The following FHIT variants were observed in gnomAD, a reference collection of about 807,000 sequenced individuals.
FHIT encodes fragile histidine triad diadenosine triphosphatase.
FHIT carries 19 observed loss-of-function variants against 17.9 expected under a neutral mutation model. The ratio of observed to expected loss-of-function variants is 1.06; its 90% CI spans 0.74 to 1.56. FHIT has a LOEUF of 1.56. FHIT is among the 40% of genes most tolerant of loss of function. The probability of loss-of-function intolerance (pLI) is 0.00; values close to 1 mark genes in which losing one functional copy is unlikely to be tolerated. For missense variants in FHIT, 248 were observed against 189.2 expected (o/e 1.31, Z -1.82); for synonymous variants, 81 against 69.7 (o/e 1.16, Z -0.81).
intron 5 of FHIT, among the ~76,000 whole-genome samples, chr3:60,051,143 G>C (rs1701860804): frequency 6.6e-6 from 1 of 152,098 alleles, no homozygotes; most frequent in Admixed American, 6.6e-5. Flanking sequence ...TGGGGCCTTT[G>C]AGGTAGGGGA....
chr3:61,111,382 C>T (rs757616855), intron 2 of FHIT, among the ~76,000 whole-genome samples: 11 of 152,060 alleles, frequency 7.2e-5, no homozygotes, highest in Non-Finnish European at 1.5e-4. Context: ...AAACATTAAT[C>T]ACTGGAAATA....
rs563173945 is a variant in FHIT at position 60,129,627 on chromosome 3, G to A, written c.104-115475C>T. Among the ~76,000 whole-genome samples, 3 of 152,222 alleles carry A rather than the reference G, an allele frequency of 2.0e-5. No individual in the cohort carries two copies. In the South Asian group the frequency reaches 6.2e-4, roughly 32 times the overall value. ...CGTAAAGTCCTAGGAGATGCCCTAA[G>A]TCTACTATAAGTGAATTTACTTTTT... On this transcript the variant is annotated intron_variant, in intron 5 of 9. Coordinates refer to ENST00000492590, the MANE Select transcript of FHIT (RefSeq NM_002012.4).
intron 4 of FHIT, among the ~76,000 whole-genome samples, chr3:60,666,461 T>C (rs1257980432): frequency 1.3e-5 from 2 of 152,220 alleles, no homozygotes; most frequent in Non-Finnish European, 2.9e-5. Context: ...GTCATTTGAA[T>C]TGGTATTCCT....
chr3:61,132,712 A>G (rs1310507243), intron 2 of FHIT, among the ~76,000 whole-genome samples: 1 of 152,240 alleles, frequency 6.6e-6, no homozygotes, highest in Non-Finnish European at 1.5e-5. Flanking sequence ...AGCACAGGCA[A>G]CATGGTTAAG....
chr3:60,708,985 A>G (rs2041446702), intron 4 of FHIT, among the ~76,000 whole-genome samples: 1 of 152,196 alleles, frequency 6.6e-6, no homozygotes, highest in Admixed American at 6.5e-5. Context: ...AGCGCATTGC[A>G]AGGCAGAGCA....
intron 1 of FHIT, among the ~76,000 whole-genome samples, chr3:61,248,750 C>A (rs1477294817): frequency 1.3e-5 from 2 of 152,084 alleles, no homozygotes; most frequent in Non-Finnish European, 2.9e-5. Flanking sequence ...AGGAAAAAGG[C>A]CAAGACAAGG....
intron 5 of FHIT, among the ~76,000 whole-genome samples, chr3:60,489,399 T>C (rs1163749084): frequency 6.6e-6 from 1 of 152,172 alleles, no homozygotes; most frequent in Non-Finnish European, 1.5e-5. Context: ...TAATGGAGCA[T>C]AACTTAAACT....
In FHIT at chr3:60,569,755, A is replaced by ATATATTTT; in HGVS notation, c.-17-32777_-17-32776insAAAATATA. On this transcript the variant is annotated intron_variant, in intron 4 of 9. Transcript: ENST00000492590. ...TATATATATATATATATATATATATATTTTTTTTTTTTTTAGACAGAGTTT... is the reference window on the plus strand; with the variant it reads ...TATATATATATATATATATATATATATATATTTTTTTTTTTTTTTTTTAGACAGAGTTT... 9.1e-3 allele frequency among the ~76,000 whole-genome samples: 699 copies of ATATATTTT among 77,222 alleles called. 14 individuals carry two copies. The highest frequency in any genetic ancestry group is 0.012 in the Non-Finnish European group (506 of 42,672). The allele number at this position is 77,222 out of a possible 152,430, so 50.7% of individuals were successfully genotyped here.
At chr3:61,167,904 G>T (rs991559171) in intron 2 of FHIT, among the ~76,000 whole-genome samples, 6 of 152,074 alleles carry the variant, frequency 3.9e-5, no homozygotes, top group African/African-American at 1.2e-4. Context: ...AGTGAGGTGA[G>T]ATTATTTGTC....
intron 5 of FHIT, among the ~76,000 whole-genome samples, chr3:60,045,652 CCCTACCTT>C (rs2106854088): frequency 6.6e-6 from 1 of 152,282 alleles, no homozygotes; most frequent in South Asian, 2.1e-4. Context: ...CTCCCTACCT[CCCTACCTT>C]GCTTTCTCCC....
chr3:60,475,797 C>T (rs1308365954), intron 5 of FHIT, among the ~76,000 whole-genome samples: 1 of 152,222 alleles, frequency 6.6e-6, no homozygotes. Flanking sequence ...AATTCCACCC[C>T]TGACCTCATG....
At chr3:60,136,832 T>C (rs945460162) in intron 5 of FHIT, among the ~76,000 whole-genome samples, 8 of 151,590 alleles carry the variant, frequency 5.3e-5, no homozygotes, top group African/African-American at 1.2e-4. Flanking sequence ...TTTTCTATTT[T>C]ATACAAACAT....
At chr3:60,254,050 T>C (rs1705860099) in intron 5 of FHIT, among the ~76,000 whole-genome samples, 1 of 152,190 alleles carries the variant, frequency 6.6e-6, no homozygotes, top group African/African-American at 2.4e-5. Context: ...GGTTTTATCA[T>C]ATCTGCTTTC....
chr3:61,088,313 T>A (rs976771148), intron 2 of FHIT, among the ~76,000 whole-genome samples: 3 of 152,200 alleles, frequency 2.0e-5, no homozygotes, highest in African/African-American at 7.2e-5. Context: ...TTTGTTCTAC[T>A]ATTTGCCCAT....
intron 5 of FHIT, among the ~76,000 whole-genome samples, chr3:60,292,875 CT>C (rs1363163652): frequency 6.9e-6 from 1 of 144,732 alleles, no homozygotes; most frequent in Non-Finnish European, 1.5e-5. Context: ...TATTAAATCC[CT>C]GATAGTCAAT....
At chr3:59,982,995 A>G (rs1708722103) in intron 7 of FHIT, among the ~76,000 whole-genome samples, 1 of 151,966 alleles carries the variant, frequency 6.6e-6, no homozygotes, top group South Asian at 2.1e-4. Flanking sequence ...CTGGAGCACA[A>G]TGCCACTATC....
intron 5 of FHIT, among the ~76,000 whole-genome samples, chr3:60,034,649 G>T (rs1466587510): frequency 6.6e-6 from 1 of 152,194 alleles, no homozygotes; most frequent in African/African-American, 2.4e-5. Flanking sequence ...AAATATTGGT[G>T]ACCTTATCCA....
At chr3:60,090,688 G>C (rs1245791483) in intron 5 of FHIT, among the ~76,000 whole-genome samples, 1 of 152,160 alleles carries the variant, frequency 6.6e-6, no homozygotes, top group East Asian at 1.9e-4. Flanking sequence ...GAATAGTTGA[G>C]AACTGACATG....
intron 2 of FHIT, among the ~76,000 whole-genome samples, chr3:61,063,084 C>A (rs1683368540): frequency 6.6e-6 from 1 of 151,760 alleles, no homozygotes; most frequent in African/African-American, 2.4e-5. Context: ...ATGGTGAAAC[C>A]TGGTCTCTAC....
Sources: allele counts gnomAD v4.1 joint callset (sites outside exome capture counted in the v4.1 genomes callset), GRCh38; gene constraint gnomAD v4.1.1; transcripts MANE v1.5; gene names NCBI Gene and HGNC (gene_info 2026-07-23, HGNC 2026-07-21).